The following STK3 variants were observed in gnomAD, a reference collection of about 807,000 sequenced individuals.
The protein encoded by STK3 is serine/threonine-protein kinase 3.
A neutral mutation model predicts 58.0 loss-of-function variants in STK3; 41 were observed. The ratio of observed to expected loss-of-function variants is 0.71; its 90% CI spans 0.55 to 0.92. The LOEUF (loss-of-function observed/expected upper bound fraction) is 0.92, where lower values mean the gene tolerates loss of function less well. STK3 is among the 40% of genes least tolerant of loss of function. The probability of loss-of-function intolerance (pLI) is 0.00; values close to 1 mark genes in which losing one functional copy is unlikely to be tolerated. For synonymous variants in STK3, 170 were observed against 191.0 expected (o/e 0.89, Z 0.91); for missense variants, 479 against 602.7 (o/e 0.79, Z 2.15).
At chr8:98,583,140 A>T (rs1271133980) in intron 7 of STK3, among the ~76,000 whole-genome samples, 1 of 152,054 alleles carries the variant, frequency 6.6e-6, no homozygotes, top group African/African-American at 2.4e-5. Flanking sequence ...ATAAAAACAG[A>T]CAATTGAAAC....
At chr8:98,444,951 G>C (rs149948391) in intron 1 of STK3, among the ~76,000 whole-genome samples, 1 of 152,168 alleles carries the variant, frequency 6.6e-6, no homozygotes, top group Non-Finnish European at 1.5e-5. Flanking sequence ...CTTCCCTATG[G>C]GTGCCATTAG....
intron 1 of STK3, among the ~76,000 whole-genome samples, chr8:98,818,065 C>T (rs1326400443): frequency 3.9e-5 from 6 of 152,196 alleles, no homozygotes; most frequent in African/African-American, 1.4e-4. Flanking sequence ...TAAGCTCTTT[C>T]CCACCTCCAG....
At chr8:98,875,047 A>G (rs937164221) in intron 3 of STK3, among the ~76,000 whole-genome samples, 1 of 152,228 alleles carries the variant, frequency 6.6e-6, no homozygotes, top group Non-Finnish European at 1.5e-5. Context: ...TTTGCACTAC[A>G]TATTTTTCTG....
intron 3 of STK3, among the ~76,000 whole-genome samples, chr8:98,842,124 G>C (rs182445642): frequency 7.9e-5 from 12 of 152,094 alleles, no homozygotes; most frequent in Middle Eastern, 3.4e-3. Flanking sequence ...ATAGTGAAGG[G>C]CATGCAAGAA....
chr8:98,806,898 T>C (rs1416787223), intron 1 of STK3, among the ~76,000 whole-genome samples: 2 of 152,128 alleles, frequency 1.3e-5, no homozygotes, highest in Admixed American at 6.5e-5. Flanking sequence ...CTCACGCCTG[T>C]AATCCCAACA....
intron 10 of STK3, among the ~76,000 whole-genome samples, chr8:98,523,576 T>C (rs1479567425): frequency 6.6e-6 from 1 of 152,052 alleles, no homozygotes; most frequent in Middle Eastern, 3.2e-3. Flanking sequence ...GGTTTCGCCT[T>C]GTTGGTCAGG....
At chr8:98,772,535 C>G (rs1362078865) in intron 2 of STK3, among the ~76,000 whole-genome samples, 2 of 151,938 alleles carry the variant, frequency 1.3e-5, no homozygotes, top group Non-Finnish European at 2.9e-5. Context: ...CTCATCTCTA[C>G]TAAAAATATG....
chr8:98,647,497 C>T (rs1323484473), intron 6 of STK3, among the ~76,000 whole-genome samples: 2 of 152,112 alleles, frequency 1.3e-5, no homozygotes, highest in Admixed American at 6.5e-5. Flanking sequence ...AATTTGAATA[C>T]ATGAAAATAT....
intron 6 of STK3, among the ~76,000 whole-genome samples, chr8:98,607,722 A>G (rs1169084809): frequency 6.6e-6 from 1 of 152,238 alleles, no homozygotes; most frequent in Non-Finnish European, 1.5e-5. Flanking sequence ...ACTGAGAGAT[A>G]AACTTTGATT....
chr8:98,643,512 T>C (rs1478161342), intron 6 of STK3, among the ~76,000 whole-genome samples: 1 of 152,178 alleles, frequency 6.6e-6, no homozygotes, highest in Admixed American at 6.5e-5. Flanking sequence ...CAAGGCATCC[T>C]TGACTACCAT....
chr8:98,858,460 T>C (rs1292981515), intron 3 of STK3, among the ~76,000 whole-genome samples: 1 of 144,548 alleles, frequency 6.9e-6, no homozygotes, highest in East Asian at 2.3e-4. Context: ...AGTCACCACA[T>C]CCATCCGGTA....
intron 6 of STK3, among the ~76,000 whole-genome samples, chr8:98,654,249 T>C (rs1309249890): frequency 3.9e-5 from 6 of 152,304 alleles, no homozygotes; most frequent in Middle Eastern, 3.4e-3. Flanking sequence ...ATTATCTCAA[T>C]AGATGCAGAA....
chr8:98,717,835 T>C (rs1481264509), intron 4 of STK3, among the ~76,000 whole-genome samples: 1 of 152,158 alleles, frequency 6.6e-6, no homozygotes, highest in Non-Finnish European at 1.5e-5. Context: ...TAAAATGTGG[T>C]AGAAACATAC....
intron 10 of STK3, among the ~76,000 whole-genome samples, chr8:98,523,968 C>A (rs1825567404): frequency 6.6e-6 from 1 of 152,162 alleles, no homozygotes; most frequent in Non-Finnish European, 1.5e-5. Context: ...GTATTTCCTA[C>A]TAATTTTTTA....
At chr8:98,689,582 A>G (rs1824248177) in intron 6 of STK3, among the ~76,000 whole-genome samples, 1 of 152,116 alleles carries the variant, frequency 6.6e-6, no homozygotes, top group South Asian at 2.1e-4. Context: ...GGAGTTTGAC[A>G]CCAGCCTGGG....
chr8:98,421,797 A>T (rs114991027), intron 3 of STK3, among the ~76,000 whole-genome samples: 2,381 of 152,204 alleles, frequency 0.016, 51 homozygotes, highest in African/African-American at 0.049. Context: ...AATAAATAAA[A>T]AATTAATTAT....
At chr8:98,876,879 G>T (rs1458984993) in intron 3 of STK3, among the ~76,000 whole-genome samples, 1 of 152,204 alleles carries the variant, frequency 6.6e-6, no homozygotes, top group Non-Finnish European at 1.5e-5. Flanking sequence ...TTAAATGTAG[G>T]CAATGTGCTT....
intron 3 of STK3, among the ~76,000 whole-genome samples, chr8:98,761,873 G>T (rs577964761): frequency 3.9e-5 from 6 of 152,154 alleles, no homozygotes; most frequent in African/African-American, 1.4e-4. Context: ...TGTTCAAATG[G>T]AATCTTATCT....
chr8:98,478,070 T>C (rs1454421860), intron 10 of STK3, among the ~76,000 whole-genome samples: 1 of 152,108 alleles, frequency 6.6e-6, no homozygotes, highest in Non-Finnish European at 1.5e-5. Context: ...GGGCTATGTG[T>C]AGAAGAAGCA....
Sources: gnomAD v4.1 joint callset for allele counts (sites outside exome capture counted in the v4.1 genomes callset) on GRCh38, gnomAD v4.1.1 for gene constraint, MANE v1.5 for transcripts, NCBI Gene and HGNC (gene_info 2026-07-23, HGNC 2026-07-21) for gene names.